The following ELAPOR1 variants were observed in gnomAD, a reference collection of about 807,000 sequenced individuals.
The protein encoded by ELAPOR1 is endosome-lysosome associated apoptosis and autophagy regulator 1.
In ELAPOR1, 77 loss-of-function variants were observed where a neutral mutation model predicts 119.7. That is an observed-to-expected ratio of 0.64 (90% CI 0.54 to 0.78). ELAPOR1 has a LOEUF of 0.78. Among genes scored for constraint, ELAPOR1 ranks in the 30% least tolerant of loss-of-function variants. The pLI is 0.00. For synonymous variants in ELAPOR1, 481 were observed against 487.2 expected (o/e 0.99, Z 0.17); for missense variants, 1,115 against 1,270.4 (o/e 0.88, Z 1.86).
At chr1:109,144,210 C>T (rs935089897) in intron 1 of ELAPOR1, among the ~76,000 whole-genome samples, 1 of 150,690 alleles carries the variant, frequency 6.6e-6, no homozygotes, top group Non-Finnish European at 1.5e-5. Flanking sequence ...CAGGCATGTG[C>T]CACCATGCCC....
In ELAPOR1 at chr1:109,192,678, TG is replaced by T. The variant is rs1404974455; in HGVS notation, c.1753del (p.Ala585ProfsTer9). 1 of 1,614,112 alleles carries T rather than the reference TG, an allele frequency of 6.2e-7. No individual in the cohort carries two copies. Among genetic ancestry groups the T allele is most frequent in the Non-Finnish European group, 8.5e-7 (1 of 1,179,982 alleles). On this transcript the variant is annotated frameshift_variant, in exon 14 of 22. Transcript: ENST00000369939. LOFTEE classifies it high-confidence loss of function. ...AATGTCACCAATGTTATGAATGGTG[TG>T]GCCTCCTACTGCCGTCCCTGTGCCC... ...SINVTNVMNGVASYCRPCALE... is the reference protein window; with the variant it reads ...SINVTNVMNGXASYCRPCALE...
intron 1 of ELAPOR1, among the ~76,000 whole-genome samples, chr1:109,139,786 T>C (rs530296248): frequency 2.6e-4 from 40 of 152,346 alleles, no homozygotes; most frequent in Admixed American, 4.6e-4. Context: ...TTTTCCTTTT[T>C]TTTGAGACAG....
At chr1:109,166,825 G>C (rs1651631725) in intron 3 of ELAPOR1, among the ~76,000 whole-genome samples, 1 of 152,142 alleles carries the variant, frequency 6.6e-6, no homozygotes, top group Non-Finnish European at 1.5e-5. Context: ...GAATACAGGA[G>C]GAAAGCAAGT....
intron 1 of ELAPOR1, among the ~76,000 whole-genome samples, chr1:109,160,548 C>T (rs1651184744): frequency 6.6e-6 from 1 of 152,116 alleles, no homozygotes. Flanking sequence ...TTTACCTATC[C>T]CCAAAAATAA....
At chr1:109,179,258 C>A in intron 7 of ELAPOR1, among the ~76,000 whole-genome samples, 1 of 150,840 alleles carries the variant, frequency 6.6e-6, no homozygotes, top group East Asian at 2.0e-4. Context: ...AAAAATTGGC[C>A]GGGCATGGTG....
chr1:109,183,545 TTCTTTTCCTTCC>T (rs1652850716), intron 7 of ELAPOR1, among the ~76,000 whole-genome samples: 1 of 102,294 alleles, frequency 9.8e-6, no homozygotes. Context: ...TCTTCTTTCT[TTCTTTTCCTTCC>T]TTCCTTCCTT....
rs567883063 is a variant in ELAPOR1 at position 109,124,427 on chromosome 1, C to T, written c.153+10091C>T. On this transcript the variant is annotated intron_variant, in intron 1 of 21. Coordinates refer to ENST00000369939, the MANE Select transcript of ELAPOR1 (RefSeq NM_020775.5). Reference sequence around the variant, plus strand: ...TTATTTTTAAGGCTGCATAGAGTTCCGTAGGCTGTATATAATATAATTTAT... The same window carrying T: ...TTATTTTTAAGGCTGCATAGAGTTCTGTAGGCTGTATATAATATAATTTAT... Among the ~76,000 whole-genome samples the T allele has an allele frequency of 1.3e-4, 20 of 152,214 alleles. No individual in the cohort carries two copies. The South Asian group carries it at 2.9e-3, about 22-fold the overall frequency.
intron 15 of ELAPOR1, 147 bp from the exon 16 acceptor site, chr1:109,197,327 C>T: frequency 5.7e-6 from 4 of 705,660 alleles, no homozygotes; most frequent in South Asian, 5.3e-5. Flanking sequence ...TCTGTCTCGT[C>T]ATTAGACCTG....
At chr1:109,201,301 G>T (rs1373079701) in intron 21 of ELAPOR1, 4 of 457,490 alleles carry the variant, frequency 8.7e-6, no homozygotes, top group Admixed American at 4.7e-5. Flanking sequence ...TTGACCAGTG[G>T]GGGGTGCTGT....
rs370863836 is a variant in ELAPOR1, at chr1:109,200,249, G to A, written c.2807+12G>A. The A allele has an allele frequency of 2.2e-5, 36 of 1,610,960 alleles. No individual in the cohort carries two copies. In the Middle Eastern group the frequency reaches 4.9e-4, roughly 22 times the overall value. ...AAAAAGAATCAAAAGTACATGTTGC[G>A]GTATTGGAGTGTGGGGATGGACAGG... is the stretch of plus-strand genomic sequence containing the variant. On this transcript the variant is annotated intron_variant, in intron 20 of 21. Transcript: ENST00000369939.
At chr1:109,127,617 A>C (rs985597259) in intron 1 of ELAPOR1, among the ~76,000 whole-genome samples, 1 of 151,912 alleles carries the variant, frequency 6.6e-6, no homozygotes, top group African/African-American at 2.4e-5. Flanking sequence ...CCCAGGCTGG[A>C]GTGCCGTGGC....
At chr1:109,140,098 C>CATTTATTTATTT (rs370169097) in intron 1 of ELAPOR1, among the ~76,000 whole-genome samples, 8,508 of 151,698 alleles carry the variant, frequency 0.056, 564 homozygotes, top group African/African-American at 0.16. Flanking sequence ...TAGTATATAT[C>CATTTATTTATTT]ATTTATTTAT....
chr1:109,169,844 TCTC>T (rs1342020723), intron 3 of ELAPOR1, among the ~76,000 whole-genome samples: 1 of 152,132 alleles, frequency 6.6e-6, no homozygotes, highest in East Asian at 1.9e-4. Context: ...CACATACAGT[TCTC>T]CTCCCAGGCT....
At chr1:109,120,861 T>C (rs1248651005) in intron 1 of ELAPOR1, among the ~76,000 whole-genome samples, 1 of 152,226 alleles carries the variant, frequency 6.6e-6, no homozygotes, top group Non-Finnish European at 1.5e-5. Context: ...ACTCACTAAA[T>C]AGAGTCCAGG....
chr1:109,171,716 C>A, intron 3 of ELAPOR1, 150 bp from the exon 4 acceptor site: 1 of 792,804 alleles, frequency 1.3e-6, no homozygotes, highest in Non-Finnish European at 2.0e-6. Context: ...TTTTGTCTTT[C>A]TTCACTGAGC....
intron 1 of ELAPOR1, among the ~76,000 whole-genome samples, chr1:109,154,509 T>C (rs1217672531): frequency 6.6e-6 from 1 of 152,212 alleles, no homozygotes; most frequent in Non-Finnish European, 1.5e-5. Context: ...CTGTTTGTTT[T>C]ACTTCACCAC....
At chr1:109,129,693 C>G (rs1440539520) in intron 1 of ELAPOR1, among the ~76,000 whole-genome samples, 2 of 152,138 alleles carry the variant, frequency 1.3e-5, no homozygotes, top group Non-Finnish European at 2.9e-5. Flanking sequence ...GGGCTTCATA[C>G]CCCAGTTGGA....
At chr1:109,164,323 A>C (rs1310849676) in intron 2 of ELAPOR1, among the ~76,000 whole-genome samples, 176 bp from the exon 3 acceptor site, 1 of 152,164 alleles carries the variant, frequency 6.6e-6, no homozygotes, top group Non-Finnish European at 1.5e-5. Flanking sequence ...CTGAAAAAAA[A>C]ATTTTTTTAA....
intron 1 of ELAPOR1, among the ~76,000 whole-genome samples, chr1:109,159,183 G>A (rs765364121): frequency 1.3e-5 from 2 of 152,226 alleles, no homozygotes; most frequent in South Asian, 2.1e-4. Context: ...GTGAGCCACC[G>A]TGCCCCGCCC....
Sources: allele counts gnomAD v4.1 joint callset (sites outside exome capture counted in the v4.1 genomes callset), GRCh38; gene constraint gnomAD v4.1.1; transcripts MANE v1.5; gene names NCBI Gene and HGNC (gene_info 2026-07-23, HGNC 2026-07-21).